PRDM4: variants seen among roughly 807,000 people sequenced by gnomAD.
PRDM4 encodes PR domain zinc finger protein 4.
In PRDM4, 38 loss-of-function variants were observed where a neutral mutation model predicts 62.3. The ratio of observed to expected loss-of-function variants is 0.61; its 90% CI spans 0.47 to 0.80. The LOEUF is 0.80. PRDM4 is among the 30% of genes least tolerant of loss of function. The pLI, the probability that PRDM4 is intolerant of heterozygous loss-of-function variation, is 0.00. For missense variants in PRDM4, 858 were observed against 997.1 expected (o/e 0.86, Z 1.88); for synonymous variants, 339 against 348.2 (o/e 0.97, Z 0.30).
chr12:107,756,589 C>T (rs1891072530), intron 3 of PRDM4, among the ~76,000 whole-genome samples: 1 of 152,190 alleles, frequency 6.6e-6, no homozygotes, highest in South Asian at 2.1e-4. Context: ...GGACAAAAAG[C>T]TACCAACTCA....
chr12:107,742,407 A>G, intron 8 of PRDM4, 59 bp from the exon 9 acceptor site: 1 of 1,550,084 alleles, frequency 6.5e-7, no homozygotes, highest in Admixed American at 1.8e-5. Context: ...ACTAAGTACA[A>G]CATTCCCCCA....
chr12:107,753,147 G>A (rs1048047535), intron 4 of PRDM4, among the ~76,000 whole-genome samples: 8 of 152,164 alleles, frequency 5.3e-5, no homozygotes, highest in Non-Finnish European at 7.3e-5. Context: ...TGACGTGGGC[G>A]GATGGCTTCA....
Position 107,746,426 on chromosome 12 carries a change from T to C in PRDM4, c.1127-2A>G. ...AGGCGCGGTCACACAGAGTACACCC[T>C]GTAGATGGCAAATTTGAGCAATACA... On this transcript the variant is annotated splice_acceptor_variant, in intron 5 of 11. Coordinates refer to ENST00000228437, the MANE Select transcript of PRDM4 (RefSeq NM_012406.4). LOFTEE classifies it high-confidence loss of function. The C allele has an allele frequency of 1.3e-6, 2 of 1,570,432 alleles. No homozygotes were observed. The highest frequency in any genetic ancestry group is 1.7e-6 in the Non-Finnish European group (2 of 1,161,358).
At chr12:107,746,943 T>C (rs1215405618) in intron 5 of PRDM4, among the ~76,000 whole-genome samples, 1 of 152,136 alleles carries the variant, frequency 6.6e-6, no homozygotes, top group Non-Finnish European at 1.5e-5. Flanking sequence ...TTTTTTCTTT[T>C]GATCCAACAG....
At position 107,739,522 on chromosome 12, in the gene PRDM4, C is replaced by T. The variant is rs1263683268; in HGVS notation, c.1954G>A (p.Asp652Asn). ...GQKNYRCTLCDKSFTQKAHLE... is the reference protein window; with the variant it reads ...GQKNYRCTLCNKSFTQKAHLE... The stretch of plus-strand genomic sequence containing the variant: ...TGAGCCTTCTGGGTGAAAGACTTGT[C>T]ACACAAGGTACACCTGTAGTTCTTC... Residue 652 changes from aspartate (D) to asparagine (N), a missense_variant, in exon 11 of 12, where the codon GAC (aspartate) becomes AAC (asparagine). Around this residue, in one of 3 missense-constraint regions of PRDM4, gnomAD observed 355 missense variants for 432.6 expected, o/e 0.82. Transcript: ENST00000228437. 1.9e-6 allele frequency: 3 copies of T among 1,613,922 alleles called. No individual in the cohort carries two copies. Among genetic ancestry groups the T allele is most frequent in the Non-Finnish European group, 2.5e-6 (3 of 1,179,846 alleles).
chr12:107,760,517 G>C lies in PRDM4; in HGVS notation c.-2C>G, dbSNP rs567456271. 5 of 1,613,440 alleles carry C rather than the reference G, an allele frequency of 3.1e-6. No homozygotes were observed. Among genetic ancestry groups the C allele is most frequent in the Non-Finnish European group, 3.4e-6 (4 of 1,179,708 alleles). ...CCTCCCTACTCACCTGTGATGCATC[G>C]GCTTGGGGCCAAATATCAGAGAAAG... On this transcript the variant is annotated 5_prime_UTR_variant, in exon 2 of 12. Coordinates refer to ENST00000228437, the MANE Select transcript of PRDM4 (RefSeq NM_012406.4).
At chr12:107,755,909 AC>A (rs1314183218) in intron 3 of PRDM4, among the ~76,000 whole-genome samples, 1 of 152,008 alleles carries the variant, frequency 6.6e-6, no homozygotes, top group African/African-American at 2.4e-5. Flanking sequence ...ATATGGTGAA[AC>A]CCCGTTTCTA....
rs768319113 is a variant in PRDM4, at chr12:107,751,488, A to G, written c.1053T>C (p.Ser351=). 2 of 1,614,062 alleles carry G rather than the reference A, an allele frequency of 1.2e-6. No individual in the cohort carries two copies. The highest frequency in any genetic ancestry group is 2.2e-5 in the South Asian group (2 of 91,086). The change falls in exon 5 of 12, where the codon TCT becomes TCC. Residue 351 remains serine (S), a synonymous_variant. Transcript: ENST00000228437. ...GHVDVSSDSL[S]FVSPSLQMED... is the part of the protein sequence containing the mutation. The stretch of plus-strand genomic sequence containing the variant: ...CCATTTGCAGTGAAGGTGATACAAA[A>G]GAAAGACTGTCTGAAGATACATCTA...
chr12:107,756,966 C>A lies in PRDM4; in HGVS notation c.12-1G>T, dbSNP rs141400400. 5.2e-5 allele frequency: 84 copies of A among 1,613,798 alleles called. No homozygotes were observed. The African/African-American group carries it at 8.9e-4, about 17-fold the overall frequency. Reference sequence around the variant, plus strand: ...TGGACTCAGGTTCATTTCATTCATCCTAGAAAAGAGCACACACAACTAGTT... The same window carrying A: ...TGGACTCAGGTTCATTTCATTCATCATAGAAAAGAGCACACACAACTAGTT... On this transcript the variant is annotated splice_acceptor_variant, in intron 2 of 11. Transcript: ENST00000228437. LOFTEE classifies it high-confidence loss of function.
intron 4 of PRDM4, 75 bp downstream of exon 4, chr12:107,753,849 C>T: frequency 7.3e-7 from 1 of 1,370,672 alleles, no homozygotes. Flanking sequence ...AAGTGTTATT[C>T]ATATCTTCAG....
At position 107,755,863 on chromosome 12, in the gene PRDM4, T is replaced by TC. The variant is rs200994518; in HGVS notation, c.145+968dup. ...ACTCTGGGAGGCCGAGGAGGGCGGA[T>TC]CACCTGAGGGCAGGAGTTCGAGACC... On this transcript the variant is annotated intron_variant, in intron 3 of 11. Coordinates refer to ENST00000228437, the MANE Select transcript of PRDM4 (RefSeq NM_012406.4). 5.5e-3 allele frequency among the ~76,000 whole-genome samples: 833 copies of TC among 152,252 alleles called. 8 individuals carry two copies. Among genetic ancestry groups the TC allele is most frequent in the African/African-American group, 0.018 (767 of 41,548 alleles).
rs764580315 is a variant in PRDM4, at chr12:107,744,643, G to T, written c.1295C>A (p.Thr432Asn). The change falls in exon 7 of 12, where the codon ACC (threonine) becomes AAC (asparagine). Residue 432 changes from threonine (T) to asparagine (N), a missense_variant. Physicochemically the swap from Thr to Asn is moderately conservative, Grantham distance 65. Around this residue, in one of 3 missense-constraint regions of PRDM4, gnomAD observed 499 missense variants for 546.7 expected, o/e 0.91. Coordinates refer to ENST00000228437, the MANE Select transcript of PRDM4 (RefSeq NM_012406.4). ...TCCAAAGCAAGTCCGCACAGGAATG[G>T]TTTCTCCAGTCCATACACCTGTCAG... is the stretch of plus-strand genomic sequence containing the variant. ...GAEVGVWTGE[T>N]IPVRTCFGPL... 6.2e-6 allele frequency: 10 copies of T among 1,613,766 alleles called. No homozygotes were observed. The South Asian group carries it at 9.9e-5, about 16-fold the overall frequency.
intron 9 of PRDM4, among the ~76,000 whole-genome samples, chr12:107,741,885 A>G (rs931583029): frequency 2.0e-5 from 3 of 152,222 alleles, no homozygotes; most frequent in Admixed American, 2.0e-4. Flanking sequence ...AAGAGAAAGC[A>G]TATGCAGGTT....
At chr12:107,758,198 T>C (rs1373811415) in intron 2 of PRDM4, 1 of 151,776 alleles carries the variant, frequency 6.6e-6, no homozygotes, top group African/African-American at 2.4e-5. Context: ...TGCTATGTAT[T>C]GGGCTAAGTG....
intron 10 of PRDM4, 78 bp from the exon 11 acceptor site, chr12:107,739,629 C>CCTGT: frequency 7.0e-7 from 1 of 1,422,858 alleles, no homozygotes; most frequent in Non-Finnish European, 9.6e-7. Flanking sequence ...CACATATGTG[C>CCTGT]ATGCAGCAGA....
Position 107,760,651 on chromosome 12 carries a change from C to T in PRDM4, c.-136G>A, listed in dbSNP as rs977853422. ...CGACGCGGCCACTCGTCCCCGGGGTCGCCCGGGGCCGCCCAACTTCTCCCG... is the reference window on the plus strand; with the variant it reads ...CGACGCGGCCACTCGTCCCCGGGGTTGCCCGGGGCCGCCCAACTTCTCCCG... On this transcript the variant is annotated 5_prime_UTR_variant, in exon 2 of 12. Transcript: ENST00000228437. 2.8e-6 allele frequency: 3 copies of T among 1,059,360 alleles called. No individual in the cohort carries two copies. Among genetic ancestry groups the T allele is most frequent in the Non-Finnish European group, 4.0e-6 (3 of 744,552 alleles). 65.6% of individuals were successfully genotyped at this position (1,059,360 alleles called of 1,614,324 possible).
chr12:107,741,546 TA>T (rs879569102), intron 9 of PRDM4, among the ~76,000 whole-genome samples: 77 of 143,018 alleles, frequency 5.4e-4, no homozygotes, highest in African/African-American at 1.3e-3. Flanking sequence ...CCCATCTCCA[TA>T]AAAAAAAAAA....
intron 5 of PRDM4, among the ~76,000 whole-genome samples, chr12:107,747,763 T>C (rs964316632): frequency 3.9e-5 from 6 of 152,182 alleles, no homozygotes; most frequent in Non-Finnish European, 8.8e-5. Context: ...ATAGTTGGAA[T>C]ACATAAACCT....
intron 5 of PRDM4, among the ~76,000 whole-genome samples, chr12:107,749,725 T>C (rs144853646): frequency 2.0e-5 from 3 of 152,286 alleles, no homozygotes; most frequent in Non-Finnish European, 4.4e-5. Flanking sequence ...CCATAAATTA[T>C]GATATCTTCC....
Sources: gnomAD v4.1 joint callset for allele counts (sites outside exome capture counted in the v4.1 genomes callset) on GRCh38, gnomAD v4.1.1 for gene constraint, gnomAD v4.1.1 regional missense constraint, MANE v1.5 for transcripts, NCBI Gene and HGNC (gene_info 2026-07-23, HGNC 2026-07-21) for gene names.